Variants in LINGO1 observed in about 807,000 individuals in gnomAD.
LINGO1 encodes the protein leucine rich repeat and Ig domain containing 1.
LINGO1 carries 11 observed loss-of-function variants against 37.3 expected under a neutral mutation model. That is an observed-to-expected ratio of 0.29 (90% CI 0.19 to 0.49). LINGO1 has a LOEUF of 0.49. Among genes scored for constraint, LINGO1 ranks in the 20% least tolerant of loss-of-function variants. The pLI is 0.99. For missense variants in LINGO1, 585 were observed against 878.2 expected, an observed-to-expected ratio of 0.67 and a Z score of 4.22; for synonymous variants, 387 against 403.0, an observed-to-expected ratio of 0.96 and a Z score of 0.48.
chr15:77,741,016 C>A (rs1482046241), intron 1 of LINGO1, among the ~76,000 whole-genome samples: 1 of 152,162 alleles, frequency 6.6e-6, no homozygotes, highest in Non-Finnish European at 1.5e-5. Flanking sequence ...GCCCTCGCCC[C>A]CAAAAGAGCT....
At chr15:77,749,151 G>A (rs1167836122) in intron 1 of LINGO1, among the ~76,000 whole-genome samples, 11 of 151,846 alleles carry the variant, frequency 7.2e-5, no homozygotes, top group South Asian at 4.2e-4. Context: ...TAGGTGATCC[G>A]CCTGCCTCGG....
chr15:77,795,064 G>A (rs1177137702), intron 2 of LINGO1, among the ~76,000 whole-genome samples: 1 of 152,122 alleles, frequency 6.6e-6, no homozygotes, highest in Non-Finnish European at 1.5e-5. Flanking sequence ...AATACGCCAG[G>A]CCAGCCTGCT....
intron 1 of LINGO1, among the ~76,000 whole-genome samples, chr15:77,785,459 C>A (rs1478138319): frequency 2.0e-5 from 3 of 152,140 alleles, no homozygotes; most frequent in African/African-American, 4.8e-5. Context: ...CTAAATCCTG[C>A]CCCTCCCTGC....
intron 1 of LINGO1, among the ~76,000 whole-genome samples, chr15:77,812,777 G>A (rs957692408): frequency 2.6e-5 from 4 of 152,242 alleles, no homozygotes; most frequent in African/African-American, 9.6e-5. Flanking sequence ...ATTCATCGGG[G>A]AGAGTTATGT....
chr15:77,647,285 G>C (rs988488978), intron 3 of LINGO1, among the ~76,000 whole-genome samples: 1 of 152,086 alleles, frequency 6.6e-6, no homozygotes, highest in African/African-American at 2.4e-5. Context: ...TAGGAAGCTA[G>C]GGATGAAAGG....
intron 1 of LINGO1, among the ~76,000 whole-genome samples, chr15:77,765,759 C>A (rs956803417): frequency 6.6e-6 from 1 of 152,156 alleles, no homozygotes; most frequent in Non-Finnish European, 1.5e-5. Context: ...CAGATCCCAG[C>A]CTTCCTCTCC....
At chr15:77,680,079 G>C (rs1162754655) in intron 2 of LINGO1, among the ~76,000 whole-genome samples, 1 of 152,224 alleles carries the variant, frequency 6.6e-6, no homozygotes, top group Non-Finnish European at 1.5e-5. Context: ...GCGTGTCATT[G>C]ATGAGCCAAA....
chr15:77,776,448 AGCAGGAAGGCAGGAAGGCAGGAAG>A (rs767799691), intron 1 of LINGO1, among the ~76,000 whole-genome samples: 1 of 103,782 alleles, frequency 9.6e-6, no homozygotes, highest in African/African-American at 4.6e-5. Context: ...CCGGGGCTTT[AGCAGGAAGGCAGGAAGGCAGGAAG>A]GCAGGAAGGC....
intron 1 of LINGO1, chr15:77,784,702 G>C (rs898793891): frequency 2.0e-5 from 3 of 152,034 alleles, no homozygotes; most frequent in African/African-American, 4.8e-5. Flanking sequence ...AGCCTCTCTC[G>C]GTGGCTCAGA....
chr15:77,720,932 G>A (rs1445278627), intron 2 of LINGO1, among the ~76,000 whole-genome samples: 1 of 151,986 alleles, frequency 6.6e-6, no homozygotes, highest in Non-Finnish European at 1.5e-5. Flanking sequence ...CTGAAGGACT[G>A]TCCCTCCCAG....
At chr15:77,743,917 C>T (rs1222005038) in intron 1 of LINGO1, among the ~76,000 whole-genome samples, 2 of 152,120 alleles carry the variant, frequency 1.3e-5, no homozygotes, top group Non-Finnish European at 2.9e-5. Flanking sequence ...GGTAACCCTC[C>T]CTGCCTTCAT....
At chr15:77,815,884 G>A (rs2077043584) in intron 1 of LINGO1, among the ~76,000 whole-genome samples, 1 of 152,094 alleles carries the variant, frequency 6.6e-6, no homozygotes, top group Non-Finnish European at 1.5e-5. Context: ...CTTCTGTCTG[G>A]TGCCAACCTT....
chr15:77,615,297 T>A lies in LINGO1; in HGVS notation c.610A>T (p.Thr204Ser). The change falls in exon 2 of 2, where the codon ACC becomes TCC. Residue 204 changes from threonine (T) to serine (S), a missense_variant. Thr to Ser is a moderately conservative substitution (Grantham distance 58, BLOSUM62 1). This residue lies in a region of LINGO1 where 484 missense variants were observed against 735.0 expected (regional missense o/e 0.66). Transcript: ENST00000355300. The stretch of plus-strand genomic sequence containing the variant: ...GACAGCGCCTCGGTGGGGATGGAGG[T>A]CAGGTTGCATTTCTCCAGCGTCAGC... ...EQLTLEKCNL[T>S]SIPTEALSHL... The A allele has an allele frequency of 2.5e-6, 4 of 1,612,168 alleles. No individual in the cohort carries two copies. The highest frequency in any genetic ancestry group is 3.4e-6 in the Non-Finnish European group (4 of 1,179,476).
At chr15:77,756,086 G>T (rs1275114631) in intron 1 of LINGO1, among the ~76,000 whole-genome samples, 3 of 152,130 alleles carry the variant, frequency 2.0e-5, no homozygotes, top group Non-Finnish European at 4.4e-5. Flanking sequence ...GGCTGGAGAG[G>T]CTAGAGAGCC....
In LINGO1 at chr15:77,748,254, C is replaced by T. The variant is rs192553157; in HGVS notation, c.-256-13201G>A. 1.1e-4 allele frequency among the ~76,000 whole-genome samples: 16 copies of T among 152,354 alleles called. No individual in the cohort carries two copies. The East Asian group carries it at 2.3e-3, about 22-fold the overall frequency. ...CCTTCACCCTGCACTCTGACTATGC[C>T]GTCCTCCTCCTCCCCACCTTGGGCC... On this transcript the variant is annotated intron_variant, in intron 1 of 3. Transcript: ENST00000561686.
intron 1 of LINGO1, among the ~76,000 whole-genome samples, chr15:77,692,559 T>C (rs2075622489): frequency 6.6e-6 from 1 of 152,206 alleles, no homozygotes; most frequent in Admixed American, 6.5e-5. Context: ...ACTTATCAGA[T>C]TGAAGTTGCG....
chr15:77,681,009 G>T (rs900020144), intron 2 of LINGO1, among the ~76,000 whole-genome samples: 1 of 152,052 alleles, frequency 6.6e-6, no homozygotes, highest in Non-Finnish European at 1.5e-5. Context: ...GTTGATAAAC[G>T]CCCCTGCGAC....
chr15:77,700,809 C>G (rs1390539690), upstream of LINGO1, among the ~76,000 whole-genome samples: 1 of 152,196 alleles, frequency 6.6e-6, no homozygotes, highest in Non-Finnish European at 1.5e-5. Context: ...AGCAGCTCAG[C>G]TTGGTCCCCT....
At chr15:77,738,803 G>GGAAA (rs2076229449) in intron 1 of LINGO1, among the ~76,000 whole-genome samples, 1 of 149,524 alleles carries the variant, frequency 6.7e-6, no homozygotes, top group Non-Finnish European at 1.5e-5. Context: ...AAGGAAGGAA[G>GGAAA]GAAGGAAGGA....
Sources: gnomAD v4.1 joint callset for allele counts (sites outside exome capture counted in the v4.1 genomes callset) on GRCh38, gnomAD v4.1.1 for gene constraint, gnomAD v4.1.1 regional missense constraint, MANE v1.5 for transcripts, NCBI Gene and HGNC (gene_info 2026-07-23, HGNC 2026-07-21) for gene names.